ASIC2: variants seen among roughly 807,000 people sequenced by gnomAD.
ASIC2 encodes acid sensing ion channel subunit 2, also known as acid-sensing ion channel 2.
ASIC2 carries 25 observed loss-of-function variants against 57.3 expected under a neutral mutation model. That is an observed-to-expected ratio of 0.44 (90% CI 0.32 to 0.61). The LOEUF (loss-of-function observed/expected upper bound fraction) is 0.61, where lower values mean the gene tolerates loss of function less well. Ranked by LOEUF, ASIC2 falls within the 20% of genes least tolerant of loss-of-function variation. ASIC2 has a pLI of 0.06. For synonymous variants in ASIC2, 319 were observed against 307.5 expected (o/e 1.04, Z -0.39); for missense variants, 641 against 738.1 (o/e 0.87, Z 1.52).
chr17:33,736,510 C>T (rs1166434761), intron 1 of ASIC2, among the ~76,000 whole-genome samples: 2 of 152,120 alleles, frequency 1.3e-5, no homozygotes, highest in Non-Finnish European at 2.9e-5. Context: ...CGTGAAGATC[C>T]CAGGCATCTG....
At chr17:33,385,604 T>C (rs1176291136) in intron 1 of ASIC2, among the ~76,000 whole-genome samples, 2 of 152,264 alleles carry the variant, frequency 1.3e-5, no homozygotes, top group Admixed American at 6.5e-5. Context: ...TCATTACTAA[T>C]GGAGACAGCT....
At chr17:33,678,303 A>G (rs1347372226) in intron 1 of ASIC2, among the ~76,000 whole-genome samples, 1 of 152,136 alleles carries the variant, frequency 6.6e-6, no homozygotes, top group African/African-American at 2.4e-5. Flanking sequence ...CTCACTTTAT[A>G]TTGACTTTAT....
chr17:33,113,370 G>A (rs774808083), intron 1 of ASIC2, among the ~76,000 whole-genome samples: 1 of 152,178 alleles, frequency 6.6e-6, no homozygotes, highest in Non-Finnish European at 1.5e-5. Context: ...AATGCTACGG[G>A]TTATGATGAT....
chr17:34,077,673 C>T (rs1464620725), intron 1 of ASIC2, among the ~76,000 whole-genome samples: 1 of 152,082 alleles, frequency 6.6e-6, no homozygotes, highest in African/African-American at 2.4e-5. Context: ...TGCATGTCTG[C>T]CCTGCTTGTG....
At chr17:33,129,129 T>C (rs1306953083) in intron 1 of ASIC2, among the ~76,000 whole-genome samples, 1 of 152,222 alleles carries the variant, frequency 6.6e-6, no homozygotes, top group Non-Finnish European at 1.5e-5. Context: ...TCAGAGGCTA[T>C]GTAAAGTGAG....
chr17:33,718,914 G>T (rs1909303687), intron 1 of ASIC2, among the ~76,000 whole-genome samples: 1 of 152,208 alleles, frequency 6.6e-6, no homozygotes, highest in African/African-American at 2.4e-5. Context: ...GCAGCCCATA[G>T]CTTCCATTAC....
intron 1 of ASIC2, among the ~76,000 whole-genome samples, chr17:33,320,123 A>T (rs1906812280): frequency 6.6e-6 from 1 of 152,188 alleles, no homozygotes; most frequent in African/African-American, 2.4e-5. Flanking sequence ...GCAGCATCTG[A>T]CACCCATACC....
intron 1 of ASIC2, among the ~76,000 whole-genome samples, chr17:34,057,575 G>T (rs1908816462): frequency 6.6e-6 from 1 of 152,142 alleles, no homozygotes; most frequent in South Asian, 2.1e-4. Flanking sequence ...TTGTAGTAAT[G>T]TGGTGACTGC....
intron 1 of ASIC2, among the ~76,000 whole-genome samples, chr17:33,983,438 A>G (rs1225212884): frequency 1.3e-5 from 2 of 152,186 alleles, no homozygotes; most frequent in Admixed American, 6.5e-5. Flanking sequence ...CAGTGAGAGC[A>G]CCAGTGAACA....
At position 33,836,678 on chromosome 17, in the gene ASIC2, C is replaced by T. The variant is rs148095708; in HGVS notation, c.555+319300G>A. 3.3e-3 allele frequency among the ~76,000 whole-genome samples: 500 copies of T among 152,104 alleles called. 6 individuals carry two copies. The highest frequency in any genetic ancestry group is 0.017 in the East Asian group (89 of 5,110). On this transcript the variant is annotated intron_variant, in intron 1 of 9. Coordinates refer to the ASIC2 transcript ENST00000359872. ...GACCAACTTGACCAACATGGTGAAA[C>T]GCTGTCTCTACTAAAAATACAAAAA...
At chr17:33,752,118 A>T (rs1000464327) in intron 1 of ASIC2, among the ~76,000 whole-genome samples, 2 of 152,182 alleles carry the variant, frequency 1.3e-5, no homozygotes, top group Non-Finnish European at 2.9e-5. Flanking sequence ...GTCTGGGTAG[A>T]GACTGACCCA....
At chr17:33,608,097 T>C (rs1490450698) in intron 1 of ASIC2, among the ~76,000 whole-genome samples, 1 of 152,046 alleles carries the variant, frequency 6.6e-6, no homozygotes, top group Non-Finnish European at 1.5e-5. Flanking sequence ...AAGGAAGGTA[T>C]TGGGACTCTC....
At chr17:33,936,173 A>G (rs1358977989) in intron 1 of ASIC2, 1 of 152,252 alleles carries the variant, frequency 6.6e-6, no homozygotes, top group African/African-American at 2.4e-5. Context: ...CCAAAGTGCA[A>G]GCTGAAAGTT....
chr17:34,071,055 C>T (rs866509775), intron 1 of ASIC2: 2 of 152,130 alleles, frequency 1.3e-5, no homozygotes, highest in Non-Finnish European at 2.9e-5. Context: ...ACGTACTTCT[C>T]AGAAGTCCAG....
intron 1 of ASIC2, among the ~76,000 whole-genome samples, chr17:33,640,331 T>C (rs1906519668): frequency 6.6e-6 from 1 of 152,126 alleles, no homozygotes; most frequent in Non-Finnish European, 1.5e-5. Context: ...GAGATTTTCT[T>C]TGAATTAAGA....
intron 1 of ASIC2, among the ~76,000 whole-genome samples, chr17:33,218,057 G>A (rs571541231): frequency 5.7e-4 from 86 of 152,198 alleles, no homozygotes; most frequent in Non-Finnish European, 1.1e-3. Context: ...AAAACCTCCC[G>A]TAATGGCAAA....
chr17:34,088,058 T>A (rs986566883), intron 1 of ASIC2, among the ~76,000 whole-genome samples: 2 of 152,250 alleles, frequency 1.3e-5, no homozygotes, highest in African/African-American at 4.8e-5. Flanking sequence ...TCATTCTCCA[T>A]CCAGCTTTGT....
rs1028455619 is a variant in ASIC2 at position 33,173,127 on chromosome 17, C to T, written c.709-61060G>A. 2.6e-5 allele frequency among the ~76,000 whole-genome samples: 4 copies of T among 152,156 alleles called. No homozygotes were observed. The South Asian group carries it at 8.3e-4, about 32-fold the overall frequency. On this transcript the variant is annotated intron_variant, in intron 1 of 9. Coordinates refer to ENST00000225823, the MANE Select transcript of ASIC2 (RefSeq NM_183377.2). The stretch of plus-strand genomic sequence containing the variant: ...GTGCTCCATATATTTCATTTTCCTT[C>T]CTTCTTTCTACAACCCCATACTGCT...
chr17:33,698,912 C>T (rs534824817), intron 1 of ASIC2, among the ~76,000 whole-genome samples: 1 of 152,064 alleles, frequency 6.6e-6, no homozygotes, highest in South Asian at 2.1e-4. Context: ...AACGCAGATG[C>T]CCCCCCTCTG....
Sources: allele counts gnomAD v4.1 joint callset (sites outside exome capture counted in the v4.1 genomes callset), GRCh38; gene constraint gnomAD v4.1.1; transcripts MANE v1.5; gene names NCBI Gene and HGNC (gene_info 2026-07-23, HGNC 2026-07-21).